WDR81: variants seen among roughly 807,000 people sequenced by gnomAD.
WDR81 encodes WD repeat domain 81.
WDR81 carries 92 observed loss-of-function variants against 140.8 expected under a neutral mutation model. The ratio of observed to expected loss-of-function variants is 0.65; its 90% confidence interval spans 0.55 to 0.78. The LOEUF (loss-of-function observed/expected upper bound fraction) is 0.78, where lower values mean the gene tolerates loss of function less well. WDR81 is among the 30% of genes least tolerant of loss of function. WDR81 has a pLI of 0.00. For synonymous variants in WDR81, 1,183 were observed against 1,156.4 expected (o/e 1.02, Z -0.47); for missense variants, 2,502 against 2,636.4 (o/e 0.95, Z 1.12).
At position 1,724,935 on chromosome 17, in the gene WDR81, G is replaced by T. The variant is rs1021185707; in HGVS notation, c.-25G>T. ...GGGCCGTGGCTGGGCTCAGCCCCGC[G>T]CTGCCCCCGGGCGGCCTGGAGGAGA... On this transcript the variant is annotated 5_prime_UTR_variant, in exon 1 of 10. Coordinates refer to ENST00000409644, the MANE Select transcript of WDR81 (RefSeq NM_001163809.2). 41 of 1,382,846 alleles carry T rather than the reference G, an allele frequency of 3.0e-5. 1 individual carries two copies. The South Asian group carries it at 6.5e-4, about 22-fold the overall frequency. The allele number at this position is 1,382,846 out of a possible 1,614,324, so 85.7% of individuals were successfully genotyped here. A position where few individuals can be genotyped will look rare whatever the true frequency, so the allele number is the denominator to read the frequency against.
intron 6 of WDR81, 129 bp from the exon 7 acceptor site, chr17:1,733,392 TCAGAGA>T: frequency 1.2e-6 from 1 of 843,162 alleles, no homozygotes; most frequent in Non-Finnish European, 1.8e-6. Context: ...AAACTGAGGC[TCAGAGA>T]CAGAGTTACT....
At chr17:1,733,500 C>T (rs1904551661) in intron 6 of WDR81, 27 bp from the exon 7 acceptor site, 5 of 1,504,320 alleles carry the variant, frequency 3.3e-6, no homozygotes, top group Non-Finnish European at 3.5e-6. Context: ...TCTTCCCTGT[C>T]TCAGGACCTC....
chr17:1,723,377 C>T (rs1432282058), upstream of WDR81, among the ~76,000 whole-genome samples: 1 of 151,356 alleles, frequency 6.6e-6, no homozygotes, highest in African/African-American at 2.4e-5. Flanking sequence ...CCTCAGACAG[C>T]CCAGGGTTTC....
At position 1,727,913 on chromosome 17, in the gene WDR81, A is replaced by T; in HGVS notation, c.2954A>T (p.Asp985Val). 6.4e-7 allele frequency: 1 copy of T among 1,550,664 alleles called. No homozygotes were observed. The highest frequency in any genetic ancestry group is 8.7e-7 in the Non-Finnish European group (1 of 1,147,046). ...CACGGCCGCTTCTACCTGTACACGGACTGCTTTGTGGCCCAGCTGATGGTG... is the reference window on the plus strand; with the variant it reads ...CACGGCCGCTTCTACCTGTACACGGTCTGCTTTGTGGCCCAGCTGATGGTG... Reference protein sequence around the residue: ...QLHGRFYLYTDCFVAQLMVRL... With the variant: ...QLHGRFYLYTVCFVAQLMVRL... Residue 985 changes from aspartate to valine, a missense_variant, in exon 1 of 10, where the codon GAC (aspartate) becomes GTC (valine). Physicochemically the swap from Asp to Val is radical, Grantham distance 152. Transcript: ENST00000409644.
At chr17:1,721,137 G>T (rs1189891003), upstream of WDR81, among the ~76,000 whole-genome samples, 2 of 152,082 alleles carry the variant, frequency 1.3e-5, no homozygotes, top group Non-Finnish European at 2.9e-5. Context: ...CTGATTTCAG[G>T]TATTTATATC....
rs183872348 is a variant in WDR81 at position 1,716,788 on chromosome 17, G to A, written c.-124+155G>A. On this transcript the variant is annotated intron_variant, in intron 1 of 10. Transcript: ENST00000309182. Reference sequence around the variant, plus strand: ...GGGACGCTATAGCTCTTTAAGGAAAGGTGGAGCGGACCAAGGAGCAGGAGT... The same window carrying A: ...GGGACGCTATAGCTCTTTAAGGAAAAGTGGAGCGGACCAAGGAGCAGGAGT... 12 of 867,332 alleles carry A rather than the reference G, an allele frequency of 1.4e-5. No individual in the cohort carries two copies. The Admixed American group carries it at 2.4e-4, about 18-fold the overall frequency. The allele number at this position is 867,332 out of a possible 1,614,324, so 53.7% of individuals were successfully genotyped here.
In WDR81 at chr17:1,727,315, A is replaced by C. The variant is rs1019190481; in HGVS notation, c.2356A>C (p.Arg786=). Residue 786 remains arginine (R), a synonymous_variant, in exon 1 of 10, where the codon AGG becomes CGG. Transcript: ENST00000409644. ...ATTGGCAGAGATGGTGTTTGCCACCAGGGTGCGGACGCTGCAGCCCGATGC... is the reference window on the plus strand; with the variant it reads ...ATTGGCAGAGATGGTGTTTGCCACCCGGGTGCGGACGCTGCAGCCCGATGC... ...VLLAEMVFAT[R]VRTLQPDAPL... is the part of the protein sequence containing the mutation. 6.5e-7 allele frequency: 1 copy of C among 1,549,970 alleles called. No homozygotes were observed. Among genetic ancestry groups the C allele is most frequent in the Non-Finnish European group, 8.7e-7 (1 of 1,146,974 alleles).
intron 6 of WDR81, 36 bp downstream of exon 6, chr17:1,732,867 T>G: frequency 4.5e-6 from 7 of 1,562,976 alleles, no homozygotes; most frequent in Non-Finnish European, 6.1e-6. Flanking sequence ...ACAGTCTTCG[T>G]GGCTGTCTCC....
intron 1 of WDR81, among the ~76,000 whole-genome samples, chr17:1,719,029 C>T (rs945217037): frequency 1.3e-5 from 2 of 152,166 alleles, no homozygotes; most frequent in Non-Finnish European, 2.9e-5. Context: ...CCACCCCCAG[C>T]TCCCAGTTTT....
chr17:1,733,407 C>T, intron 6 of WDR81, 120 bp from the exon 7 acceptor site: 1 of 984,258 alleles, frequency 1.0e-6, no homozygotes, highest in East Asian at 2.5e-5. Flanking sequence ...GACAGAGTTA[C>T]TTGCCCAGAG....
chr17:1,724,921 G>A lies in WDR81; in HGVS notation c.-39G>A. 7.5e-7 allele frequency: 1 copy of A among 1,332,996 alleles called. No homozygotes were observed. The highest frequency in any genetic ancestry group is 3.8e-5 in the Admixed American group (1 of 26,564). The allele number at this position is 1,332,996 out of a possible 1,614,324, so 82.6% of individuals were successfully genotyped here. A position where few individuals can be genotyped will look rare whatever the true frequency, so the allele number is the denominator to read the frequency against. The stretch of plus-strand genomic sequence containing the variant: ...AGCCGTCGCCAGCAGGGCCGTGGCT[G>A]GGCTCAGCCCCGCGCTGCCCCCGGG... On this transcript the variant is annotated 5_prime_UTR_variant, in exon 1 of 10. Coordinates refer to ENST00000409644, the MANE Select transcript of WDR81 (RefSeq NM_001163809.2).
At position 1,728,566 on chromosome 17, in the gene WDR81, G is replaced by A. The variant is rs1279526672; in HGVS notation, c.3607G>A (p.Glu1203Lys). ...VVAGGSGGDG[E>K]EEEEALPEQS... is the part of the protein sequence containing the mutation. ...GGCCGGCGGCAGTGGGGGAGATGGAGAAGAAGAGGAGGAGGCACTGCCTGA... is the reference window on the plus strand; with the variant it reads ...GGCCGGCGGCAGTGGGGGAGATGGAAAAGAAGAGGAGGAGGCACTGCCTGA... The change falls in exon 1 of 10, where the codon GAA (glutamate) becomes AAA (lysine). Residue 1203 changes from glutamate (E) to lysine (K), a missense_variant. By Grantham distance (56) the Glu-to-Lys change is moderately conservative. Coordinates refer to ENST00000409644, the MANE Select transcript of WDR81 (RefSeq NM_001163809.2). The A allele has an allele frequency of 6.6e-7, 1 of 1,516,576 alleles. No individual in the cohort carries two copies. 93.9% of individuals were successfully genotyped at this position (1,516,576 alleles called of 1,614,324 possible). A position where few individuals can be genotyped will look rare whatever the true frequency, so the allele number is the denominator to read the frequency against.
intron 1 of WDR81, among the ~76,000 whole-genome samples, chr17:1,729,062 T>C (rs150410412): frequency 4.6e-5 from 7 of 152,214 alleles, no homozygotes; most frequent in East Asian, 1.9e-4. Context: ...GCAACACAAA[T>C]GTAGGCCTGC....
At chr17:1,720,839 T>C (rs916343284), upstream of WDR81, among the ~76,000 whole-genome samples, 34 of 151,414 alleles carry the variant, frequency 2.2e-4, no homozygotes, top group African/African-American at 8.2e-4. Context: ...TGGGCCAGGG[T>C]TTGAGGCCCC....
chr17:1,724,862 G>A lies in WDR81; in HGVS notation c.-98G>A, dbSNP rs1915114512. The stretch of plus-strand genomic sequence containing the variant: ...GCCTCCGCCCCAGCCCCTGTCCCGC[G>A]CCCATCCCAGCCCCGCCGGCCTGGC... On this transcript the variant is annotated 5_prime_UTR_variant, in exon 1 of 10. Coordinates refer to ENST00000409644, the MANE Select transcript of WDR81 (RefSeq NM_001163809.2). The A allele has an allele frequency of 8.0e-7, 1 of 1,242,574 alleles. No individual in the cohort carries two copies. Among genetic ancestry groups the A allele is most frequent in the Non-Finnish European group, 1.0e-6 (1 of 994,264 alleles). The allele number at this position is 1,242,574 out of a possible 1,614,324, so 77.0% of individuals were successfully genotyped here. A position where few individuals can be genotyped will look rare whatever the true frequency, so the allele number is the denominator to read the frequency against.
In WDR81 at chr17:1,730,864, G is replaced by A. The variant is rs556832918; in HGVS notation, c.3885G>A (p.Val1295=). ...PVLGDIVSGP[V]LSCLLHIARL... ...TGGGCGACATCGTGTCAGGGCCTGT[G>A]CTCAGCTGCCTCCTCCACATCGCCC... Residue 1295 remains valine (V), a synonymous_variant, in exon 3 of 10, where the codon GTG becomes GTA. Coordinates refer to ENST00000409644, the MANE Select transcript of WDR81 (RefSeq NM_001163809.2). 1 of 1,612,936 alleles carries A rather than the reference G, an allele frequency of 6.2e-7. No homozygotes were observed. The highest frequency in any genetic ancestry group is 1.7e-5 in the Admixed American group (1 of 60,030).
chr17:1,725,018 A>G lies in WDR81; in HGVS notation c.59A>G (p.His20Arg). ...CTCAGAACCCCGGCCGGGGGCTGGC[A>G]TTCCCCGCCAAGCCCAGACATGCAG... ...GALRTPAGGW[H>R]SPPSPDMQEL... Residue 20 changes from histidine to arginine, a missense_variant, in exon 1 of 10, where the codon CAT becomes CGT. His to Arg is a conservative substitution (Grantham distance 29, BLOSUM62 0). This residue lies in a region of WDR81 where 547 missense variants were observed against 513.8 expected (regional missense o/e 1.06). Transcript: ENST00000409644. 1 of 1,471,198 alleles carries G rather than the reference A, an allele frequency of 6.8e-7. No homozygotes were observed. The highest frequency in any genetic ancestry group is 9.0e-7 in the Non-Finnish European group (1 of 1,113,432). 91.1% of individuals were successfully genotyped at this position (1,471,198 alleles called of 1,614,324 possible).
In WDR81 at chr17:1,734,137, C is replaced by T; in HGVS notation, c.5100C>T (p.Val1700=). 1.3e-6 allele frequency: 2 copies of T among 1,599,534 alleles called. No homozygotes were observed. The highest frequency in any genetic ancestry group is 1.7e-6 in the Non-Finnish European group (2 of 1,179,706). ...RLVYTQHRKS[V]FFVGQLEAPQ... ...TCTACACCCAGCACCGCAAGAGCGTCTTCTTCGTGGGCCAGCTTGAGGCCC... is the reference window on the plus strand; with the variant it reads ...TCTACACCCAGCACCGCAAGAGCGTTTTCTTCGTGGGCCAGCTTGAGGCCC... Residue 1700 remains valine (V), a synonymous_variant, in exon 7 of 10, where the codon GTC becomes GTT. Coordinates refer to ENST00000409644, the MANE Select transcript of WDR81 (RefSeq NM_001163809.2).
rs1331149526 is a variant in WDR81 at position 1,726,110 on chromosome 17, C to T, written c.1151C>T (p.Pro384Leu). Residue 384 changes from proline (P) to leucine (L), a missense_variant, in exon 1 of 10, where the codon CCC becomes CTC. Physicochemically the swap from Pro to Leu is moderately conservative, Grantham distance 98. Coordinates refer to ENST00000409644, the MANE Select transcript of WDR81 (RefSeq NM_001163809.2). ...GACCCCAACTACCACCCCGTGCTGC[C>T]CTGGGTGGTGGACTTCACTACGCCC... Reference protein sequence around the residue: ...QGDPNYHPVLPWVVDFTTPHG... With the variant: ...QGDPNYHPVLLWVVDFTTPHG... 3 of 1,545,492 alleles carry T rather than the reference C, an allele frequency of 1.9e-6. No individual in the cohort carries two copies. The highest frequency in any genetic ancestry group is 2.4e-5 in the South Asian group (2 of 83,726).
Sources: allele counts gnomAD v4.1 joint callset (sites outside exome capture counted in the v4.1 genomes callset), GRCh38; gene constraint gnomAD v4.1.1; regional missense constraint gnomAD v4.1.1; transcripts MANE v1.5; gene names NCBI Gene and HGNC (gene_info 2026-07-23, HGNC 2026-07-21).